The following SORT1 variants were observed in gnomAD, a reference collection of about 807,000 sequenced individuals.
The protein encoded by SORT1 is sortilin.
SORT1 carries 39 observed loss-of-function variants against 101.7 expected under a neutral mutation model. That is an observed-to-expected ratio of 0.38 (90% CI 0.30 to 0.50). The LOEUF is 0.50. Among genes scored for constraint, SORT1 ranks in the 20% least tolerant of loss-of-function variants. The pLI, the probability that SORT1 is intolerant of heterozygous loss-of-function variation, is 0.90. For missense variants in SORT1, 878 were observed against 1,040.4 expected (o/e 0.84, Z 2.15); for synonymous variants, 396 against 393.7 (o/e 1.01, Z -0.07).
rs1442141378 is a variant in SORT1 at position 109,310,293 on chromosome 1, CTT to C, written c.*3748_*3749del. ...GTTGTTTCGAATTAATGTTCTGACT[CTT>C]GTTATTATAATGCAACCTAACCAAG... On this transcript the variant is annotated 3_prime_UTR_variant, in exon 20 of 20. Transcript: ENST00000256637. 1.3e-5 allele frequency: 2 copies of C among 153,276 alleles called. No homozygotes were observed. The highest frequency in any genetic ancestry group is 2.9e-5 in the Non-Finnish European group (2 of 68,040). 9.5% of individuals were successfully genotyped at this position (153,276 alleles called of 1,614,324 possible). A position where few individuals can be genotyped will look rare whatever the true frequency, so the allele number is the denominator to read the frequency against.
Position 109,323,209 on chromosome 1 carries a change from G to A in SORT1, c.1835-88C>T, listed in dbSNP as rs544656567. ...TGCCAGGCTATAGGAAGAACAAGGA[G>A]AGGGAAAGTGGGAATGTCTGACTCA... On this transcript the variant is annotated intron_variant, in intron 14 of 19. Coordinates refer to ENST00000256637, the MANE Select transcript of SORT1 (RefSeq NM_002959.7). The A allele has an allele frequency of 1.7e-4, 154 of 895,460 alleles. No individual in the cohort carries two copies. The South Asian group carries it at 2.5e-3, about 15-fold the overall frequency. The allele number at this position is 895,460 out of a possible 1,614,324, so 55.5% of individuals were successfully genotyped here.
At chr1:109,342,292 A>ATAGT (rs1355279094) in intron 8 of SORT1, 134 bp from the exon 9 acceptor site, 5 of 693,730 alleles carry the variant, frequency 7.2e-6, no homozygotes, top group Non-Finnish European at 1.2e-5. Context: ...ATGAAAGGTC[A>ATAGT]TAGTACCAAT....
chr1:109,375,016 T>C (rs926641499), intron 1 of SORT1, among the ~76,000 whole-genome samples: 1 of 152,106 alleles, frequency 6.6e-6, no homozygotes, highest in Non-Finnish European at 1.5e-5. Context: ...TTAGACACTG[T>C]AGAAGAGGTG....
At chr1:109,320,840 T>G (rs1045968799) in intron 15 of SORT1, among the ~76,000 whole-genome samples, 6 of 152,172 alleles carry the variant, frequency 3.9e-5, no homozygotes, top group Non-Finnish European at 7.3e-5. Flanking sequence ...AGAGAGGGTA[T>G]GGAGAACAAA....
intron 1 of SORT1, among the ~76,000 whole-genome samples, chr1:109,381,404 T>TA (rs1291062769): frequency 6.6e-6 from 1 of 152,158 alleles, no homozygotes; most frequent in Non-Finnish European, 1.5e-5. Context: ...CAGGTGCTAT[T>TA]AAAAATGTTT....
chr1:109,375,317 C>G (rs771148013), intron 1 of SORT1, among the ~76,000 whole-genome samples: 2 of 151,980 alleles, frequency 1.3e-5, no homozygotes, highest in African/African-American at 4.8e-5. Flanking sequence ...AATCCCAGCA[C>G]TTTGGGAGGC....
chr1:109,321,432 GA>G (rs1408081997), intron 15 of SORT1, among the ~76,000 whole-genome samples: 3 of 152,204 alleles, frequency 2.0e-5, no homozygotes, highest in Non-Finnish European at 4.4e-5. Context: ...GAGAAGAGCA[GA>G]AGCACAGGTG....
At chr1:109,395,431 G>A (rs546662063) in intron 1 of SORT1, among the ~76,000 whole-genome samples, 2 of 151,844 alleles carry the variant, frequency 1.3e-5, no homozygotes, top group African/African-American at 2.4e-5. Context: ...ATGTTGGCCA[G>A]GCTAGTCTTG....
chr1:109,332,153 ACTGT>A (rs1264019291), intron 11 of SORT1, among the ~76,000 whole-genome samples: 2 of 152,042 alleles, frequency 1.3e-5, no homozygotes, highest in Non-Finnish European at 1.5e-5. Context: ...TATTATTTTG[ACTGT>A]CTTTTTTTAC....
At chr1:109,367,290 T>C in intron 3 of SORT1, 118 bp downstream of exon 3, 1 of 641,396 alleles carries the variant, frequency 1.6e-6, no homozygotes, top group Non-Finnish European at 2.8e-6. Flanking sequence ...GGTGAAAACT[T>C]AGGATGGCTA....
intron 11 of SORT1, among the ~76,000 whole-genome samples, chr1:109,335,750 T>C (rs947794669): frequency 5.3e-5 from 8 of 152,196 alleles, no homozygotes; most frequent in Admixed American, 1.3e-4. Flanking sequence ...CCAAACTCTC[T>C]GCAACAGGGG....
chr1:109,359,533 C>T (rs574732325), intron 3 of SORT1, among the ~76,000 whole-genome samples: 2 of 152,122 alleles, frequency 1.3e-5, no homozygotes, highest in Non-Finnish European at 2.9e-5. Context: ...GAGTTCCACT[C>T]TTGTTACCCA....
At chr1:109,390,270 A>G (rs1444585637) in intron 1 of SORT1, among the ~76,000 whole-genome samples, 3 of 152,216 alleles carry the variant, frequency 2.0e-5, no homozygotes, top group Admixed American at 6.5e-5. Flanking sequence ...TCCTTAAGAT[A>G]GCCCCAGTGC....
chr1:109,365,865 G>A (rs1183665773), intron 3 of SORT1, among the ~76,000 whole-genome samples: 2 of 152,182 alleles, frequency 1.3e-5, no homozygotes, highest in Non-Finnish European at 2.9e-5. Context: ...ATGCCCAGGA[G>A]ATGTAGTCAA....
Position 109,347,471 on chromosome 1 carries a change from A to C in SORT1, c.832+12T>G, listed in dbSNP as rs1234805469. On this transcript the variant is annotated intron_variant, in intron 7 of 19. Transcript: ENST00000256637. ...AACAGGACATTATTTTCTGGGACTA[A>C]AATATACTTACTGCAGGAGCCATTT... 1 of 1,594,736 alleles carries C rather than the reference A, an allele frequency of 6.3e-7. No homozygotes were observed. The highest frequency in any genetic ancestry group is 8.6e-7 in the Non-Finnish European group (1 of 1,162,604).
rs185574509 is a variant in SORT1 at position 109,336,385 on chromosome 1, G to C, written c.1265-39C>G. The C allele has an allele frequency of 6.3e-5, 80 of 1,267,642 alleles. No homozygotes were observed. The African/African-American group carries it at 1.1e-3, about 18-fold the overall frequency. 78.5% of individuals were successfully genotyped at this position (1,267,642 alleles called of 1,614,324 possible). On this transcript the variant is annotated intron_variant, in intron 10 of 19. Transcript: ENST00000256637. ...GAACAACATTAAGTCTGATACACTG[G>C]AAGTACCTAGGTTAGATTCACTTTA...
At chr1:109,393,800 G>A (rs1327054434) in intron 1 of SORT1, among the ~76,000 whole-genome samples, 4 of 151,942 alleles carry the variant, frequency 2.6e-5, no homozygotes, top group Non-Finnish European at 5.9e-5. Flanking sequence ...AATGTGATAT[G>A]TTGTAATACA....
chr1:109,326,054 CTTT>C (rs541173445), intron 13 of SORT1, among the ~76,000 whole-genome samples: 11 of 134,628 alleles, frequency 8.2e-5, no homozygotes, highest in Admixed American at 3.0e-4. Flanking sequence ...ACTTATACTT[CTTT>C]TTTTTTTTTT....
In SORT1 at chr1:109,312,399, A is replaced by G. The variant is rs1012426504; in HGVS notation, c.*1644T>C. The G allele has an allele frequency of 6.6e-6, 1 of 152,470 alleles. No individual in the cohort carries two copies. Among genetic ancestry groups the G allele is most frequent in the African/African-American group, 2.4e-5 (1 of 41,386 alleles). The allele number at this position is 152,470 out of a possible 1,614,324, so 9.4% of individuals were successfully genotyped here. Reference sequence around the variant, plus strand: ...TTCTACTGCAGTTTTAACATCTCTAAAAGTCTCCATCCACTCTCTCCCCCA... The same window carrying G: ...TTCTACTGCAGTTTTAACATCTCTAGAAGTCTCCATCCACTCTCTCCCCCA... On this transcript the variant is annotated 3_prime_UTR_variant, in exon 20 of 20. Transcript: ENST00000256637.
Sources: gnomAD v4.1 joint callset for allele counts (sites outside exome capture counted in the v4.1 genomes callset) on GRCh38, gnomAD v4.1.1 for gene constraint, MANE v1.5 for transcripts, NCBI Gene and HGNC (gene_info 2026-07-23, HGNC 2026-07-21) for gene names.